The following FBLN2 variants were observed in gnomAD, a reference collection of about 807,000 sequenced individuals.
FBLN2 encodes the protein fibulin-2.
A neutral mutation model predicts 123.7 loss-of-function variants in FBLN2; 81 were observed. The observed-to-expected ratio is 0.65, with a 90% CI of 0.55 to 0.79. The LOEUF (loss-of-function observed/expected upper bound fraction) is 0.79. Among genes scored for constraint, FBLN2 ranks in the 30% least tolerant of loss-of-function variants. The pLI is 0.00. For synonymous variants in FBLN2, 699 were observed against 701.4 expected (o/e 1.00, Z 0.05); for missense variants, 1,603 against 1,681.3 (o/e 0.95, Z 0.81).
chr3:13,630,107 T>C (rs1706206310), intron 14 of FBLN2, among the ~76,000 whole-genome samples, 162 bp downstream of exon 14: 1 of 152,108 alleles, frequency 6.6e-6, no homozygotes, highest in South Asian at 2.1e-4. Flanking sequence ...GGCCCAACCC[T>C]CTCTGGCCTC....
chr3:13,602,299 C>T (rs894026407), intron 2 of FBLN2, among the ~76,000 whole-genome samples: 7 of 152,138 alleles, frequency 4.6e-5, no homozygotes, highest in African/African-American at 1.2e-4. Context: ...TTCCATTGAG[C>T]GCCTTGTCTT....
chr3:13,605,391 T>C (rs752661621), intron 2 of FBLN2, among the ~76,000 whole-genome samples: 4 of 152,248 alleles, frequency 2.6e-5, no homozygotes, highest in Non-Finnish European at 5.9e-5. Context: ...TCATGTGTTC[T>C]TGCAAAGTAT....
intron 3 of FBLN2, 133 bp from the exon 4 acceptor site, chr3:13,609,380 C>A: frequency 9.9e-7 from 1 of 1,012,814 alleles, no homozygotes; most frequent in Non-Finnish European, 1.4e-6. Context: ...GGAGGTTGTG[C>A]CGGCTCTGCC....
intron 2 of FBLN2, among the ~76,000 whole-genome samples, chr3:13,584,538 C>T (rs1704435863): frequency 6.6e-6 from 1 of 152,208 alleles, no homozygotes; most frequent in Non-Finnish European, 1.5e-5. Flanking sequence ...GGGAGCTCCA[C>T]CCCTGGCCTG....
At chr3:13,600,046 C>CGAGAGA (rs1252358257) in intron 2 of FBLN2, among the ~76,000 whole-genome samples, 55 of 128,138 alleles carry the variant, frequency 4.3e-4, no homozygotes, top group South Asian at 2.6e-3. Context: ...AGAGAGAGAG[C>CGAGAGA]GAGAGAGAGA....
At chr3:13,581,745 C>T (rs1704339465) in intron 2 of FBLN2, among the ~76,000 whole-genome samples, 1 of 152,172 alleles carries the variant, frequency 6.6e-6, no homozygotes, top group African/African-American at 2.4e-5. Context: ...GACCCCGTGC[C>T]AGTGCTTCAC....
intron 2 of FBLN2, among the ~76,000 whole-genome samples, chr3:13,593,516 C>T (rs1376073910): frequency 6.6e-6 from 1 of 151,976 alleles, no homozygotes; most frequent in African/African-American, 2.4e-5. Flanking sequence ...GAGTTCAAGG[C>T]CAGCTTGGCC....
intron 1 of FBLN2, among the ~76,000 whole-genome samples, chr3:13,558,635 A>G (rs1574941897): frequency 6.7e-6 from 1 of 149,320 alleles, no homozygotes; most frequent in South Asian, 2.2e-4. Context: ...ACCCCTCTCC[A>G]CTCACCCACC....
intron 1 of FBLN2, chr3:13,566,395 G>T (rs144860737): frequency 6.6e-6 from 1 of 152,328 alleles, no homozygotes; most frequent in African/African-American, 2.4e-5. Flanking sequence ...CCAGCAGCCT[G>T]GTCAGTCCCT....
chr3:13,565,486 C>A (rs1400343049), intron 1 of FBLN2, among the ~76,000 whole-genome samples: 2 of 152,194 alleles, frequency 1.3e-5, no homozygotes, highest in Non-Finnish European at 2.9e-5. Flanking sequence ...AATGGCTAGG[C>A]GCAGAGGCTC....
intron 4 of FBLN2, among the ~76,000 whole-genome samples, chr3:13,609,851 G>T (rs1705332452): frequency 6.6e-6 from 1 of 152,226 alleles, no homozygotes; most frequent in Non-Finnish European, 1.5e-5. Context: ...CAGAATATTT[G>T]TAGAGCACCA....
intron 4 of FBLN2, among the ~76,000 whole-genome samples, chr3:13,610,373 T>C (rs1705351272): frequency 6.6e-6 from 1 of 151,872 alleles, no homozygotes; most frequent in African/African-American, 2.4e-5. Context: ...TGGGGACCGG[T>C]TATTGAGGGT....
intron 2 of FBLN2, among the ~76,000 whole-genome samples, chr3:13,577,473 G>T (rs1371491810): frequency 6.6e-6 from 1 of 152,178 alleles, no homozygotes; most frequent in Non-Finnish European, 1.5e-5. Context: ...GCTGTCCAGG[G>T]CCTGTGGCCA....
intron 2 of FBLN2, among the ~76,000 whole-genome samples, chr3:13,592,817 T>G (rs187537431): frequency 1.3e-5 from 2 of 152,326 alleles, no homozygotes; most frequent in African/African-American, 4.8e-5. Flanking sequence ...TTGGCAACAG[T>G]TTATTTAGCT....
chr3:13,576,766 G>A (rs1284084704), intron 2 of FBLN2, among the ~76,000 whole-genome samples: 1 of 150,212 alleles, frequency 6.7e-6, no homozygotes, highest in Non-Finnish European at 1.5e-5. Flanking sequence ...TATTTATAGC[G>A]CTCCAACTGT....
intron 2 of FBLN2, among the ~76,000 whole-genome samples, chr3:13,591,040 C>G (rs1376206827): frequency 1.3e-5 from 2 of 152,248 alleles, no homozygotes; most frequent in Non-Finnish European, 2.9e-5. Flanking sequence ...ATGAGAGTTC[C>G]ATTTGCTCCA....
rs1256064859 is a variant in FBLN2 at position 13,629,878 on chromosome 3, A to G, written c.2901A>G (p.Thr967=). ...GRLCQHTCEN[T]LGSYRCSCAS... Reference sequence around the variant, plus strand: ...TGTGCCAGCACACGTGTGAGAACACACTCGGCTCCTACCGCTGTTCCTGCG... The same window carrying G: ...TGTGCCAGCACACGTGTGAGAACACGCTCGGCTCCTACCGCTGTTCCTGCG... The change falls in exon 14 of 18, where the codon ACA becomes ACG. Residue 967 remains threonine (T), a synonymous_variant. Transcript: ENST00000404922. 8.8e-6 allele frequency: 14 copies of G among 1,599,052 alleles called. No homozygotes were observed. Among genetic ancestry groups the G allele is most frequent in the Non-Finnish European group, 1.2e-5 (14 of 1,173,968 alleles).
At chr3:13,618,503 C>G (rs2124893549) in intron 6 of FBLN2, among the ~76,000 whole-genome samples, 1 of 152,350 alleles carries the variant, frequency 6.6e-6, no homozygotes, top group South Asian at 2.1e-4. Context: ...CTGGCCCCAG[C>G]ACCTTGTCCC....
intron 5 of FBLN2, 86 bp downstream of exon 5, chr3:13,614,250 C>A: frequency 2.2e-6 from 3 of 1,346,216 alleles, no homozygotes; most frequent in Non-Finnish European, 3.0e-6. Context: ...GGTCCATCAT[C>A]ACCTGTGGCT....
Sources: gnomAD v4.1 joint callset for allele counts (sites outside exome capture counted in the v4.1 genomes callset) on GRCh38, gnomAD v4.1.1 for gene constraint, MANE v1.5 for transcripts, NCBI Gene and HGNC (gene_info 2026-07-23, HGNC 2026-07-21) for gene names.